Variants in SPTAN1 observed in about 807,000 individuals in gnomAD.
SPTAN1 encodes spectrin alpha chain, non-erythrocytic 1.
SPTAN1 carries 61 observed loss-of-function variants against 331.3 expected under a neutral mutation model. The observed-to-expected ratio is 0.18, with a 90% CI of 0.15 to 0.23. The LOEUF is 0.23. Among genes scored for constraint, SPTAN1 ranks in the 10% least tolerant of loss-of-function variants. The pLI, the probability that SPTAN1 is intolerant of heterozygous loss-of-function variation, is 1.00. For synonymous variants in SPTAN1, 1,153 were observed against 1,173.9 expected (o/e 0.98, Z 0.36); for missense variants, 2,043 against 3,147.9 (o/e 0.65, Z 8.40).
Position 128,622,550 on chromosome 9 carries a change from C to T in SPTAN1, c.5832+1294C>T, listed in dbSNP as rs1047874882. On this transcript the variant is annotated intron_variant, in intron 45 of 56. Transcript: ENST00000372739. ...CTGACCTCAGGTGATCCGCCCTCCT[C>T]GGCCTCCCAAAGTGCTGGGATTACA... Among the ~76,000 whole-genome samples, 14 of 151,912 alleles carry T rather than the reference C, an allele frequency of 9.2e-5. No individual in the cohort carries two copies. The East Asian group carries it at 1.2e-3, about 13-fold the overall frequency.
In SPTAN1 at chr9:128,563,003, T is replaced by C. The variant is rs4360384; in HGVS notation, c.-3-3735T>C. On this transcript the variant is annotated intron_variant, in intron 1 of 56. Coordinates refer to ENST00000372739, the MANE Select transcript of SPTAN1 (RefSeq NM_001130438.3). ...ATATACATGTATGTGTATATATATA[T>C]ATATATATATATATATATATATATG... Among the ~76,000 whole-genome samples the C allele has an allele frequency of 8.9e-5, 10 of 111,784 alleles. No individual in the cohort carries two copies. In the East Asian group the frequency reaches 9.0e-4, roughly 10 times the overall value. The allele number at this position is 111,784 out of a possible 152,430, so 73.3% of individuals were successfully genotyped here.
At chr9:128,626,230 G>A (rs1163651542) in intron 48 of SPTAN1, 161 bp from the exon 49 acceptor site, 8 of 1,032,878 alleles carry the variant, frequency 7.7e-6, no homozygotes, top group Non-Finnish European at 1.2e-5. Context: ...GGCTGGTGAA[G>A]ACTTGAAGGG....
chr9:128,567,067 A>G, intron 2 of SPTAN1, 90 bp downstream of exon 2: 16 of 1,558,982 alleles, frequency 1.0e-5, no homozygotes, highest in Non-Finnish European at 1.3e-5. Flanking sequence ...CTTAATTATG[A>G]CCTTGAGAGA....
At chr9:128,559,883 C>T (rs571056774) in intron 1 of SPTAN1, among the ~76,000 whole-genome samples, 4 of 150,860 alleles carry the variant, frequency 2.7e-5, no homozygotes, top group Admixed American at 6.6e-5. Flanking sequence ...TACAGGCGTG[C>T]GCCACTATGC....
At chr9:128,567,765 CT>C (rs988629387) in intron 2 of SPTAN1, among the ~76,000 whole-genome samples, 99 of 146,838 alleles carry the variant, frequency 6.7e-4, no homozygotes, top group Middle Eastern at 3.5e-3. Context: ...ATATTTAAAA[CT>C]TTTTTTTTTT....
In SPTAN1 at chr9:128,611,640, T is replaced by C. The variant is rs1287636732; in HGVS notation, c.4774-74T>C. The C allele has an allele frequency of 1.9e-6, 3 of 1,587,562 alleles. No homozygotes were observed. In the African/African-American group the frequency reaches 4.0e-5, roughly 21 times the overall value. On this transcript the variant is annotated intron_variant, in intron 37 of 56. Transcript: ENST00000372739. The stretch of plus-strand genomic sequence containing the variant: ...TATGTTTGCTGCCACTCCCTGCCTC[T>C]GAGAACCCCTTCCCCCTGAAAAGAC...
chr9:128,619,551 T>A (rs1002245151), intron 44 of SPTAN1, among the ~76,000 whole-genome samples: 19 of 152,202 alleles, frequency 1.2e-4, no homozygotes, highest in Non-Finnish European at 2.6e-4. Context: ...GTAGCCATCT[T>A]CCCTCTGAGT....
In SPTAN1 at chr9:128,578,139, A is replaced by T; in HGVS notation, c.1115A>T (p.Asp372Val). ...CAACGCTTCCTTGCTGACTTCCGTG[A>T]CCTCACCAGCTGGGTGACTGAGATG... is the stretch of plus-strand genomic sequence containing the variant. ...RLQRFLADFR[D>V]LTSWVTEMKA... The change falls in exon 9 of 57, where the codon GAC (aspartate) becomes GTC (valine). Residue 372 changes from aspartate to valine, a missense_variant. Asp to Val is a radical substitution (Grantham distance 152). This residue lies in a region of SPTAN1 where 1,038 missense variants were observed against 1,531.5 expected (regional missense o/e 0.68). Transcript: ENST00000372739. The T allele has an allele frequency of 6.2e-7, 1 of 1,614,130 alleles. No individual in the cohort carries two copies. The highest frequency in any genetic ancestry group is 8.5e-7 in the Non-Finnish European group (1 of 1,180,026).
intron 39 of SPTAN1, among the ~76,000 whole-genome samples, chr9:128,613,056 A>G (rs1856748009): frequency 6.6e-6 from 1 of 152,112 alleles, no homozygotes; most frequent in African/African-American, 2.4e-5. Flanking sequence ...GCTGTAGTGA[A>G]TATCTTTGAA....
chr9:128,599,029 A>G (rs1276318988), intron 26 of SPTAN1, 43 bp downstream of exon 26: 5 of 1,600,554 alleles, frequency 3.1e-6, no homozygotes, highest in Non-Finnish European at 4.3e-6. Flanking sequence ...CATGAGAAGG[A>G]CTTAAATCTT....
In SPTAN1 at chr9:128,630,625, G is replaced by GT. The variant is rs11442134; in HGVS notation, c.6762+251dup. ...GCTCACTGCAACCTCCACCTCCCAG[G>GT]TCAAGCAATTCTCCTGCCTCAGCCT... On this transcript the variant is annotated intron_variant, in intron 52 of 56. Transcript: ENST00000372739. 470,708 of 471,362 alleles carry GT rather than the reference G, an allele frequency of 1. 235,032 individuals are homozygous for GT. Among genetic ancestry groups the GT allele is most frequent in the Middle Eastern group, 1 (1,582 of 1,582 alleles). The allele number at this position is 471,362 out of a possible 1,614,324, so 29.2% of individuals were successfully genotyped here. A position where few individuals can be genotyped will look rare whatever the true frequency, so the allele number is the denominator to read the frequency against.
At chr9:128,608,418 TTA>T in intron 34 of SPTAN1, 142 bp downstream of exon 34, 1 of 1,096,216 alleles carries the variant, frequency 9.1e-7, no homozygotes, top group Non-Finnish European at 1.3e-6. Context: ...CTTTAAAACT[TTA>T]TAGATTCTGG....
At chr9:128,565,100 C>T (rs1242919774) in intron 1 of SPTAN1, among the ~76,000 whole-genome samples, 1 of 152,054 alleles carries the variant, frequency 6.6e-6, no homozygotes, top group Non-Finnish European at 1.5e-5. Context: ...GTCAAGAGAT[C>T]GAGACCATCC....
chr9:128,611,652 C>T, intron 37 of SPTAN1, 62 bp from the exon 38 acceptor site: 1 of 1,601,694 alleles, frequency 6.2e-7, no homozygotes, highest in East Asian at 2.2e-5. Context: ...AGAACCCCTT[C>T]CCCCTGAAAA....
At position 128,591,525 on chromosome 9, in the gene SPTAN1, G is replaced by T. The variant is rs1013438458; in HGVS notation, c.3055G>T (p.Ala1019Ser). The T allele has an allele frequency of 6.2e-7, 1 of 1,614,064 alleles. No individual in the cohort carries two copies. Among genetic ancestry groups the T allele is most frequent in the African/African-American group, 1.3e-5 (1 of 74,916 alleles). The stretch of plus-strand genomic sequence containing the variant: ...CGATCGTCAGGGTTTTGTGCCGGCT[G>T]CGTACGTGAAGAAATTGGACCCCGC... ...VNDRQGFVPA[A>S]YVKKLDPAQS... Residue 1019 changes from alanine to serine, a missense_variant, in exon 22 of 57, where the codon GCG (alanine) becomes TCG (serine). By Grantham distance (99) the Ala-to-Ser change is moderately conservative (BLOSUM62 1). Coordinates refer to ENST00000372739, the MANE Select transcript of SPTAN1 (RefSeq NM_001130438.3).
At chr9:128,628,184 C>T (rs772615772) in intron 51 of SPTAN1, 11 of 683,300 alleles carry the variant, frequency 1.6e-5, no homozygotes, top group South Asian at 1.3e-4. Context: ...CTGGGCGATT[C>T]CAAGGGCTCA....
rs142003183 is a variant in SPTAN1 at position 128,585,286 on chromosome 9, C to T, written c.2560+443C>T. Among the ~76,000 whole-genome samples, 428 of 152,276 alleles carry T rather than the reference C, an allele frequency of 2.8e-3. 10 individuals carry two copies. The East Asian group carries it at 0.041, about 15-fold the overall frequency. On this transcript the variant is annotated intron_variant, in intron 18 of 56. Coordinates refer to ENST00000372739, the MANE Select transcript of SPTAN1 (RefSeq NM_001130438.3). ...TCAGGTGATCCACCTACCTCGGCCT[C>T]CCAAAGTGCTGGGATTACAGCCATG...
intron 37 of SPTAN1, among the ~76,000 whole-genome samples, chr9:128,610,177 A>C (rs73623534): frequency 2.0e-5 from 3 of 152,216 alleles, no homozygotes; most frequent in Non-Finnish European, 4.4e-5. Context: ...AATACCTCCA[A>C]ATCTTCAAGG....
rs553945609 is a variant in SPTAN1, at chr9:128,583,879, G to A, written c.2103G>A (p.Leu701=). 1 of 1,614,222 alleles carries A rather than the reference G, an allele frequency of 6.2e-7. No individual in the cohort carries two copies. The highest frequency in any genetic ancestry group is 1.3e-5 in the African/African-American group (1 of 75,046). ...ELWLYEVEGH[L]ASDDYGKDLT... ...GGCTATATGAAGTAGAAGGTCACTTGGCTTCGGATGATTACGGCAAAGATC... is the reference window on the plus strand; with the variant it reads ...GGCTATATGAAGTAGAAGGTCACTTAGCTTCGGATGATTACGGCAAAGATC... Residue 701 remains leucine, a synonymous_variant, in exon 16 of 57, where the codon TTG becomes TTA. Coordinates refer to ENST00000372739, the MANE Select transcript of SPTAN1 (RefSeq NM_001130438.3).
Sources: allele counts gnomAD v4.1 joint callset (sites outside exome capture counted in the v4.1 genomes callset), GRCh38; gene constraint gnomAD v4.1.1; regional missense constraint gnomAD v4.1.1; transcripts MANE v1.5; gene names NCBI Gene and HGNC (gene_info 2026-07-23, HGNC 2026-07-21).